IGSF5: variants seen among roughly 807,000 people sequenced by gnomAD.
IGSF5 encodes immunoglobulin superfamily 5 like.
A neutral mutation model predicts 39.4 loss-of-function variants in IGSF5; 41 were observed. That is an observed-to-expected ratio of 1.04 (90% CI 0.81 to 1.35). The LOEUF is 1.35. IGSF5 is among the 40% of genes most tolerant of loss of function. IGSF5 has a pLI of 0.00. For synonymous variants in IGSF5, 183 were observed against 175.3 expected (o/e 1.04, Z -0.34); for missense variants, 487 against 494.6 (o/e 0.98, Z 0.15).
At chr21:39,782,880 G>A (rs752146499) in intron 5 of IGSF5, among the ~76,000 whole-genome samples, 1 of 151,866 alleles carries the variant, frequency 6.6e-6, no homozygotes, top group African/African-American at 2.4e-5. Context: ...AGCTTCCCCC[G>A]ACTACCTCCC....
chr21:39,711,772 A>G, the IGSF5 span, among the ~76,000 whole-genome samples: 1 of 152,026 alleles, frequency 6.6e-6, no homozygotes, highest in East Asian at 1.9e-4. Context: ...CGACCTTGTG[A>G]TCTGCCCACC....
chr21:39,794,094 TG>T (rs2086981327), intron 8 of IGSF5, among the ~76,000 whole-genome samples: 6 of 152,334 alleles, frequency 3.9e-5, no homozygotes, highest in Admixed American at 3.3e-4. Flanking sequence ...TAGTTTGCTC[TG>T]CATGCAAGTT....
At chr21:39,721,362 A>G in the IGSF5 span, among the ~76,000 whole-genome samples, 1 of 152,208 alleles carries the variant, frequency 6.6e-6, no homozygotes, top group Admixed American at 6.5e-5. Context: ...TGGCACAGGA[A>G]AGCAATCGTT....
chr21:39,715,215 T>C, the IGSF5 span, among the ~76,000 whole-genome samples: 2 of 152,168 alleles, frequency 1.3e-5, no homozygotes, highest in Non-Finnish European at 2.9e-5. Flanking sequence ...CCTCCCTGGC[T>C]CAGGTGATCC....
chr21:39,773,824 T>G (rs2080126758), intron 4 of IGSF5, among the ~76,000 whole-genome samples: 1 of 152,228 alleles, frequency 6.6e-6, no homozygotes, highest in South Asian at 2.1e-4. Flanking sequence ...CCAAATGGAA[T>G]AAAATGGACT....
intron 1 of IGSF5, among the ~76,000 whole-genome samples, chr21:39,745,918 G>A (rs1033507530): frequency 6.6e-6 from 1 of 152,122 alleles, no homozygotes; most frequent in Non-Finnish European, 1.5e-5. Context: ...TGTTACGGGG[G>A]GTGGGGGGTC....
the IGSF5 span, among the ~76,000 whole-genome samples, chr21:39,719,235 C>T: frequency 1.5e-4 from 23 of 152,290 alleles, no homozygotes; most frequent in African/African-American, 5.5e-4. Flanking sequence ...CTCCTGGGCT[C>T]AAGCAATCCT....
intron 2 of IGSF5, among the ~76,000 whole-genome samples, chr21:39,757,986 G>A (rs1762385045): frequency 6.6e-6 from 1 of 152,144 alleles, no homozygotes; most frequent in South Asian, 2.1e-4. Context: ...GTGGCGGTGG[G>A]CACAGAAGAC....
chr21:39,721,681 T>A, the IGSF5 span, among the ~76,000 whole-genome samples: 1 of 57,054 alleles, frequency 1.8e-5, no homozygotes, highest in South Asian at 5.1e-4. Flanking sequence ...GTCCCTTCCT[T>A]CCTTCCTTCC....
the IGSF5 span, among the ~76,000 whole-genome samples, chr21:39,712,693 G>C: frequency 2.0e-5 from 3 of 152,166 alleles, no homozygotes; most frequent in Non-Finnish European, 2.9e-5. Context: ...TGAGCAGTGA[G>C]TGAGGAGGGC....
intron 8 of IGSF5, among the ~76,000 whole-genome samples, chr21:39,797,342 C>T (rs1884256107): frequency 6.6e-6 from 1 of 151,772 alleles, no homozygotes; most frequent in African/African-American, 2.4e-5. Flanking sequence ...CCCCAGCCTC[C>T]TGAGTAGCTG....
chr21:39,750,001 G>A (rs1249100700), intron 2 of IGSF5, among the ~76,000 whole-genome samples: 2 of 152,220 alleles, frequency 1.3e-5, no homozygotes, highest in African/African-American at 4.8e-5. Flanking sequence ...TTAAGGTAAA[G>A]ATCTTGAGGC....
chr21:39,750,722 G>A (rs2080001703), intron 2 of IGSF5, among the ~76,000 whole-genome samples: 1 of 148,788 alleles, frequency 6.7e-6, no homozygotes, highest in South Asian at 2.1e-4. Context: ...CTCATCCAGA[G>A]GACGCACCCT....
chr21:39,717,149 T>G, the IGSF5 span, among the ~76,000 whole-genome samples: 1 of 152,226 alleles, frequency 6.6e-6, no homozygotes, highest in Non-Finnish European at 1.5e-5. Context: ...GTATGTCTTC[T>G]GTTGAGAAGT....
the IGSF5 span, among the ~76,000 whole-genome samples, chr21:39,714,031 G>A: frequency 5.9e-5 from 9 of 152,332 alleles, no homozygotes; most frequent in Admixed American, 2.6e-4. Flanking sequence ...AATTAACATC[G>A]CCCTGGGAAG....
intron 2 of IGSF5, among the ~76,000 whole-genome samples, chr21:39,748,872 C>G (rs534464570): frequency 1.3e-5 from 2 of 152,240 alleles, no homozygotes; most frequent in South Asian, 4.2e-4. Flanking sequence ...TGAATTGTGA[C>G]GTGCAGCTGA....
chr21:39,745,138 T>A (rs2079966950), upstream of IGSF5, among the ~76,000 whole-genome samples: 1 of 148,122 alleles, frequency 6.8e-6, no homozygotes, highest in Non-Finnish European at 1.5e-5. Flanking sequence ...CCTGCCTCTC[T>A]GTCTCTCTCT....
upstream of IGSF5, among the ~76,000 whole-genome samples, chr21:39,741,183 T>C (rs1255131308): frequency 6.6e-6 from 1 of 152,212 alleles, no homozygotes; most frequent in Non-Finnish European, 1.5e-5. Context: ...CATTAGGGCC[T>C]TCTTTAGGGC....
At chr21:39,732,190 G>A in the IGSF5 span, among the ~76,000 whole-genome samples, 1 of 152,178 alleles carries the variant, frequency 6.6e-6, no homozygotes, top group African/African-American at 2.4e-5. Context: ...AAGCAGGACA[G>A]GACATTACCA....
Sources: allele counts gnomAD v4.1 joint callset (sites outside exome capture counted in the v4.1 genomes callset), GRCh38; gene constraint gnomAD v4.1.1; transcripts MANE v1.5; gene names NCBI Gene and HGNC (gene_info 2026-07-23, HGNC 2026-07-21).